PSIP1: variants seen among roughly 807,000 people sequenced by gnomAD.
PSIP1 encodes the protein PC4 and SFRS1-interacting protein.
PSIP1 carries 19 observed loss-of-function variants against 74.7 expected under a neutral mutation model. That is an observed-to-expected ratio of 0.25 (90% CI 0.18 to 0.37). The LOEUF is 0.37. Ranked by LOEUF, PSIP1 falls within the 10% of genes least tolerant of loss-of-function variation. The probability of loss-of-function intolerance (pLI) is 1.00; values close to 1 mark genes in which losing one functional copy is unlikely to be tolerated. For synonymous variants in PSIP1, 222 were observed against 195.3 expected, an observed-to-expected ratio of 1.14 and a Z score of -1.14; for missense variants, 601 against 614.3, an observed-to-expected ratio of 0.98 and a Z score of 0.23.
rs954857624 is a variant in PSIP1 at position 15,484,160 on chromosome 9, T to TA, written c.456+1845dup. Among the ~76,000 whole-genome samples the TA allele has an allele frequency of 4.3e-3, 611 of 141,176 alleles. 3 individuals are homozygous for TA. The highest frequency in any genetic ancestry group is 7.5e-3 in the Non-Finnish European group (484 of 64,570). The allele number at this position is 141,176 out of a possible 152,430, so 92.6% of individuals were successfully genotyped here. On this transcript the variant is annotated intron_variant, in intron 6 of 15. Coordinates refer to ENST00000380733, the MANE Select transcript of PSIP1 (RefSeq NM_033222.5). ...AAAAAAAAAAAAACAAATTTATATT[T>TA]AAAAAAAAAAAGAAAAAAGAGGCAT...
At chr9:15,486,749 T>C (rs2132120864) in intron 5 of PSIP1, 78 bp downstream of exon 5, 1 of 996,412 alleles carries the variant, frequency 1.0e-6, no homozygotes, top group East Asian at 2.5e-5. Context: ...TACTTACTAA[T>C]TAATCATGGC....
intron 6 of PSIP1, among the ~76,000 whole-genome samples, chr9:15,481,488 G>A (rs148522233): frequency 7.2e-5 from 11 of 152,248 alleles, no homozygotes; most frequent in African/African-American, 2.6e-4. Flanking sequence ...ACGAGGTCAG[G>A]AGTTCGAGAC....
intron 14 of PSIP1, 141 bp downstream of exon 14, chr9:15,468,487 CCA>C: frequency 1.1e-6 from 1 of 898,936 alleles, no homozygotes; most frequent in Middle Eastern, 2.1e-4. Context: ...TTCAATAGGC[CCA>C]TCAGATTTTC....
chr9:15,468,207 T>TC (rs2035712010), intron 14 of PSIP1, among the ~76,000 whole-genome samples: 1 of 151,930 alleles, frequency 6.6e-6, no homozygotes, highest in African/African-American at 2.4e-5. Context: ...AATACCTGTA[T>TC]CAAGTAATGG....
rs932100564 is a variant in PSIP1, at chr9:15,494,873, A to G, written c.150-4749T>C. On this transcript the variant is annotated intron_variant, in intron 3 of 15. Transcript: ENST00000380733. ...AATTAACACATTTAGCTCTAACAGT[A>G]TAACATTCCTCTTATGTAACAGGTT... 4.2e-4 allele frequency among the ~76,000 whole-genome samples: 64 copies of G among 152,208 alleles called. 1 individual carries two copies. Among genetic ancestry groups the G allele is most frequent in the Non-Finnish European group, 1.6e-4 (11 of 68,036 alleles).
rs2036588056 is a variant in PSIP1, at chr9:15,487,068, G to A, written c.289-137C>T. On this transcript the variant is annotated intron_variant, in intron 4 of 15. Coordinates refer to ENST00000380733, the MANE Select transcript of PSIP1 (RefSeq NM_033222.5). ...GGCTGGAGGCAGTGGCGCAATTATGGTTCACTGAAGCCTCAATTCCTGGGC... is the reference window on the plus strand; with the variant it reads ...GGCTGGAGGCAGTGGCGCAATTATGATTCACTGAAGCCTCAATTCCTGGGC... The A allele has an allele frequency of 1.4e-5, 7 of 492,544 alleles. No homozygotes were observed. In the South Asian group the frequency reaches 2.3e-4, roughly 16 times the overall value. 30.5% of individuals were successfully genotyped at this position (492,544 alleles called of 1,614,324 possible).
intron 3 of PSIP1, among the ~76,000 whole-genome samples, chr9:15,500,777 T>C (rs1357231654): frequency 6.6e-6 from 1 of 152,136 alleles, no homozygotes; most frequent in Non-Finnish European, 1.5e-5. Context: ...TTAAGAGCAG[T>C]AAGGAGGAAA....
intron 3 of PSIP1, among the ~76,000 whole-genome samples, chr9:15,504,389 A>G (rs1156364340): frequency 6.6e-6 from 1 of 152,180 alleles, no homozygotes; most frequent in Non-Finnish European, 1.5e-5. Context: ...GAGAAGGGAT[A>G]ATCATTCCTC....
In PSIP1 at chr9:15,500,561, C is replaced by A. The variant is rs75016733; in HGVS notation, c.149+6000G>T. Among the ~76,000 whole-genome samples, 861 of 152,268 alleles carry A rather than the reference C, an allele frequency of 5.7e-3. 7 individuals carry two copies. Among genetic ancestry groups the A allele is most frequent in the African/African-American group, 0.02 (825 of 41,540 alleles). On this transcript the variant is annotated intron_variant, in intron 3 of 15. Coordinates refer to ENST00000380733, the MANE Select transcript of PSIP1 (RefSeq NM_033222.5). The stretch of plus-strand genomic sequence containing the variant: ...ACAAGTCCCACACCAATACGTGCAG[C>A]TATGAAACTTGTACAGAAGAACTAG...
At chr9:15,486,171 G>A in intron 5 of PSIP1, 103 bp from the exon 6 acceptor site, 2 of 948,128 alleles carry the variant, frequency 2.1e-6, no homozygotes, top group Non-Finnish European at 3.2e-6. Context: ...GAAAGCATTG[G>A]GGAAATCTGT....
At chr9:15,507,604 C>T (rs1056049739) in intron 2 of PSIP1, among the ~76,000 whole-genome samples, 1 of 152,052 alleles carries the variant, frequency 6.6e-6, no homozygotes, top group African/African-American at 2.4e-5. Context: ...TGCCACTGCA[C>T]TCAAGCCTGG....
intron 4 of PSIP1, chr9:15,489,433 C>T (rs1481236043): frequency 6.6e-6 from 1 of 151,668 alleles, no homozygotes; most frequent in East Asian, 1.9e-4. Flanking sequence ...CATGACAAAA[C>T]CCTGTCTCTA....
intron 3 of PSIP1, among the ~76,000 whole-genome samples, chr9:15,494,753 T>A (rs1470889873): frequency 6.6e-6 from 1 of 152,120 alleles, no homozygotes; most frequent in African/African-American, 2.4e-5. Context: ...TTTACCAAAT[T>A]TACTTTGGAG....
At position 15,468,474 on chromosome 9, in the gene PSIP1, T is replaced by G. The variant is rs1290074886; in HGVS notation, c.1420+156A>C. 3 of 837,386 alleles carry G rather than the reference T, an allele frequency of 3.6e-6. No individual in the cohort carries two copies. In the African/African-American group the frequency reaches 5.0e-5, roughly 14 times the overall value. 51.9% of individuals were successfully genotyped at this position (837,386 alleles called of 1,614,324 possible). ...TTGTTCTCAATGCACACTGCTCTAG[T>G]CCTTCAATAGGCCCATCAGATTTTC... On this transcript the variant is annotated intron_variant, in intron 14 of 15. Coordinates refer to ENST00000380733, the MANE Select transcript of PSIP1 (RefSeq NM_033222.5).
intron 3 of PSIP1, among the ~76,000 whole-genome samples, chr9:15,499,352 A>G (rs2037224881): frequency 6.6e-6 from 1 of 152,218 alleles, no homozygotes; most frequent in South Asian, 2.1e-4. Context: ...CATTAACTGA[A>G]TTCAATACTA....
chr9:15,471,551 A>G (rs1157810715), intron 10 of PSIP1: 12 of 970,746 alleles, frequency 1.2e-5, no homozygotes, highest in Non-Finnish European at 1.3e-5. Context: ...GAAAAGATAG[A>G]ATAGAAAATG....
rs1354025265 is a variant in PSIP1 at position 15,484,324 on chromosome 9, C to A, written c.456+1682G>T. Among the ~76,000 whole-genome samples the A allele has an allele frequency of 2.0e-5, 3 of 151,418 alleles. No individual in the cohort carries two copies. In the East Asian group the frequency reaches 5.8e-4, roughly 29 times the overall value. On this transcript the variant is annotated intron_variant, in intron 6 of 15. Transcript: ENST00000380733. ...AAAAAATATATATATATAGGCCAGG[C>A]CCGGTGGCTCACACCTGTAATCCCA...
chr9:15,471,901 G>T (rs914363933), intron 10 of PSIP1: 1 of 982,432 alleles, frequency 1.0e-6, no homozygotes. Context: ...AATGTAAGAC[G>T]CTTCACGAGA....
At chr9:15,468,242 C>CT (rs1240464070) in intron 14 of PSIP1, 6 of 440,172 alleles carry the variant, frequency 1.4e-5, no homozygotes, top group Admixed American at 2.5e-5. Flanking sequence ...ACCTATGAGG[C>CT]TGTGTTTTAA....
Sources: gnomAD v4.1 joint callset for allele counts (sites outside exome capture counted in the v4.1 genomes callset) on GRCh38, gnomAD v4.1.1 for gene constraint, MANE v1.5 for transcripts, NCBI Gene and HGNC (gene_info 2026-07-23, HGNC 2026-07-21) for gene names.